Variants in TRIM33 observed in about 807,000 individuals in gnomAD.
TRIM33 encodes the protein E3 ubiquitin-protein ligase TRIM33.
In TRIM33, 20 loss-of-function variants were observed where a neutral mutation model predicts 125.4. That is an observed-to-expected ratio of 0.16 (90% CI 0.11 to 0.23). TRIM33 has a LOEUF of 0.23. Among genes scored for constraint, TRIM33 ranks in the 10% least tolerant of loss-of-function variants. The probability of loss-of-function intolerance (pLI) is 1.00; values close to 1 mark genes in which losing one functional copy is unlikely to be tolerated. For missense variants in TRIM33, 920 were observed against 1,411.4 expected (o/e 0.65, Z 5.58); for synonymous variants, 564 against 513.9 (o/e 1.10, Z -1.32).
intron 4 of TRIM33, among the ~76,000 whole-genome samples, chr1:114,438,304 C>T (rs1648433325): frequency 6.6e-6 from 1 of 152,130 alleles, no homozygotes; most frequent in East Asian, 1.9e-4. Context: ...TTTAATAAAA[C>T]CCAGTTTCAT....
intron 4 of TRIM33, among the ~76,000 whole-genome samples, chr1:114,461,283 A>ATAT (rs1205695411): frequency 2.8e-4 from 39 of 141,516 alleles, no homozygotes; most frequent in African/African-American, 9.9e-4. Context: ...ATTTATTATT[A>ATAT]TTATATATTT....
chr1:114,413,215 G>A (rs955150239), intron 11 of TRIM33, among the ~76,000 whole-genome samples: 8 of 152,072 alleles, frequency 5.3e-5, no homozygotes, highest in African/African-American at 1.7e-4. Context: ...CAATGAAATG[G>A]AATACCATAT....
At chr1:114,462,891 A>G (rs1199483216) in intron 4 of TRIM33, among the ~76,000 whole-genome samples, 2 of 152,212 alleles carry the variant, frequency 1.3e-5, no homozygotes, top group East Asian at 1.9e-4. Flanking sequence ...AAAATGATAC[A>G]TTTTAACAAA....
intron 1 of TRIM33, among the ~76,000 whole-genome samples, chr1:114,479,798 C>A (rs1407910250): frequency 6.6e-6 from 1 of 152,226 alleles, no homozygotes; most frequent in Non-Finnish European, 1.5e-5. Flanking sequence ...TAATTAGCCG[C>A]CCCATCCAGC....
In TRIM33 at chr1:114,397,598, T is replaced by G. The variant is rs774471267; in HGVS notation, c.*50A>C. 3.0e-5 allele frequency: 32 copies of G among 1,075,336 alleles called. No individual in the cohort carries two copies. Among genetic ancestry groups the G allele is most frequent in the Non-Finnish European group, 4.0e-5 (30 of 743,664 alleles). The allele number at this position is 1,075,336 out of a possible 1,614,324, so 66.6% of individuals were successfully genotyped here. ...TTTCTGGGTTTTTTGTGTTTTTTTT[T>G]TTTTTTTCGTTTTTTTTTTTTTAAA... On this transcript the variant is annotated 3_prime_UTR_variant, in exon 20 of 20. Coordinates refer to ENST00000358465, the MANE Select transcript of TRIM33 (RefSeq NM_015906.4).
chr1:114,394,995 AAAAC>A lies in TRIM33; in HGVS notation c.*2649_*2652del, dbSNP rs2101066251. On this transcript the variant is annotated 3_prime_UTR_variant, in exon 20 of 20. Transcript: ENST00000358465. The stretch of plus-strand genomic sequence containing the variant: ...ACAAATACAAATGTGAGAGAGTATA[AAAAC>A]AAACTGCCTTCAGGGACTGACAGAT... 1 of 195,566 alleles carries A rather than the reference AAAAC, an allele frequency of 5.1e-6. No homozygotes were observed. The highest frequency in any genetic ancestry group is 8.0e-5 in the East Asian group (1 of 12,426). 12.1% of individuals were successfully genotyped at this position (195,566 alleles called of 1,614,324 possible). A position where few individuals can be genotyped will look rare whatever the true frequency, so the allele number is the denominator to read the frequency against.
At chr1:114,455,643 A>C (rs1422967176) in intron 4 of TRIM33, among the ~76,000 whole-genome samples, 1 of 152,256 alleles carries the variant, frequency 6.6e-6, no homozygotes, top group East Asian at 1.9e-4. Context: ...TGGGATGAAT[A>C]AATTGAACAC....
intron 11 of TRIM33, among the ~76,000 whole-genome samples, chr1:114,414,343 C>G (rs1176283221): frequency 6.6e-6 from 1 of 152,092 alleles, no homozygotes; most frequent in Non-Finnish European, 1.5e-5. Flanking sequence ...AATCCAAAAT[C>G]CTTTATGCAG....
intron 11 of TRIM33, among the ~76,000 whole-genome samples, chr1:114,411,207 A>C (rs1652564573): frequency 6.6e-6 from 1 of 151,660 alleles, no homozygotes; most frequent in South Asian, 2.1e-4. Flanking sequence ...CGCCTGGCTA[A>C]TTTTTGTGTT....
At chr1:114,427,115 A>T in intron 8 of TRIM33, 62 bp downstream of exon 8, 1 of 761,134 alleles carries the variant, frequency 1.3e-6, no homozygotes, top group Non-Finnish European at 2.2e-6. Flanking sequence ...AATTTGCTTT[A>T]AGTATTTTCT....
In TRIM33 at chr1:114,481,950, G is replaced by A. The variant is rs190623310; in HGVS notation, c.527-17562C>T. On this transcript the variant is annotated intron_variant, in intron 1 of 19. Coordinates refer to ENST00000358465, the MANE Select transcript of TRIM33 (RefSeq NM_015906.4). The stretch of plus-strand genomic sequence containing the variant: ...ATATTTTTGTATTTTTAGTAGAGAT[G>A]GGGTTTCACCATGTTGGCGCGGCTG... Among the ~76,000 whole-genome samples, 3 of 152,142 alleles carry A rather than the reference G, an allele frequency of 2.0e-5. No individual in the cohort carries two copies. The East Asian group carries it at 5.8e-4, about 29-fold the overall frequency.
chr1:114,431,711 C>T (rs1647960467), intron 5 of TRIM33, among the ~76,000 whole-genome samples: 1 of 152,160 alleles, frequency 6.6e-6, no homozygotes, highest in Non-Finnish European at 1.5e-5. Context: ...TTTCATTTGC[C>T]AAGTTCGAAT....
At position 114,412,732 on chromosome 1, in the gene TRIM33, C is replaced by A. The variant is rs188967940; in HGVS notation, c.2062-2416G>T. On this transcript the variant is annotated intron_variant, in intron 11 of 19. Transcript: ENST00000358465. Reference sequence around the variant, plus strand: ...GTTACTATTCTATTATATGAACACACAATTTGTTTATCCATTTATTTGCAG... The same window carrying A: ...GTTACTATTCTATTATATGAACACAAAATTTGTTTATCCATTTATTTGCAG... 2.0e-4 allele frequency among the ~76,000 whole-genome samples: 30 copies of A among 152,284 alleles called. No individual in the cohort carries two copies. The East Asian group carries it at 5.8e-3, about 29-fold the overall frequency.
chr1:114,499,983 A>T (rs1335245440), intron 1 of TRIM33, among the ~76,000 whole-genome samples: 1 of 152,212 alleles, frequency 6.6e-6, no homozygotes, highest in Non-Finnish European at 1.5e-5. Context: ...CCTGGCCAAC[A>T]TGGTGAAATC....
intron 1 of TRIM33, among the ~76,000 whole-genome samples, chr1:114,505,634 C>T (rs1652952808): frequency 6.6e-6 from 1 of 152,210 alleles, no homozygotes; most frequent in Non-Finnish European, 1.5e-5. Context: ...GTGGCGTGAT[C>T]TCAGCTCACT....
rs1409438532 is a variant in TRIM33 at position 114,510,957 on chromosome 1, C to A, written c.120G>T (p.Ala40=). ...AAQEAEPPLT[A]VLVEEEEEEG... ...CCTCCTCCTCCTCCTCCACCAGCAC[C>A]GCGGTGAGAGGCGGCTCCGCCTCCT... Residue 40 remains alanine, a synonymous_variant, in exon 1 of 20, where the codon GCG becomes GCT. Transcript: ENST00000358465. 1.0e-5 allele frequency: 14 copies of A among 1,390,796 alleles called. No homozygotes were observed. Among genetic ancestry groups the A allele is most frequent in the East Asian group, 3.1e-5 (1 of 32,292 alleles). 86.2% of individuals were successfully genotyped at this position (1,390,796 alleles called of 1,614,324 possible).
At chr1:114,472,236 A>G (rs984900516) in intron 1 of TRIM33, among the ~76,000 whole-genome samples, 1 of 152,238 alleles carries the variant, frequency 6.6e-6, no homozygotes, top group Non-Finnish European at 1.5e-5. Context: ...TATTTTAATG[A>G]CAACATATAT....
intron 1 of TRIM33, among the ~76,000 whole-genome samples, chr1:114,495,784 A>C (rs1189938398): frequency 6.6e-6 from 1 of 152,208 alleles, no homozygotes; most frequent in Non-Finnish European, 1.5e-5. Context: ...AAAAGAGGGA[A>C]TCACCTCCAA....
intron 1 of TRIM33, among the ~76,000 whole-genome samples, chr1:114,506,839 T>C (rs1326335441): frequency 6.6e-6 from 1 of 152,198 alleles, no homozygotes; most frequent in Non-Finnish European, 1.5e-5. Flanking sequence ...CCTCAAAATA[T>C]TTAAATCTGT....
Sources: gnomAD v4.1 joint callset for allele counts (sites outside exome capture counted in the v4.1 genomes callset) on GRCh38, gnomAD v4.1.1 for gene constraint, MANE v1.5 for transcripts, NCBI Gene and HGNC (gene_info 2026-07-23, HGNC 2026-07-21) for gene names.